The following DSCAML1 variants were observed in gnomAD, a reference collection of about 807,000 sequenced individuals.
The protein encoded by DSCAML1 is DS cell adhesion molecule like 1.
DSCAML1 carries 38 observed loss-of-function variants against 200.5 expected under a neutral mutation model. The ratio of observed to expected loss-of-function variants is 0.19; its 90% CI spans 0.15 to 0.25. The LOEUF is 0.25. Ranked by LOEUF, DSCAML1 falls within the 10% of genes least tolerant of loss-of-function variation. DSCAML1 has a pLI of 1.00. For synonymous variants in DSCAML1, 1,215 were observed against 1,165.0 expected (o/e 1.04, Z -0.87); for missense variants, 2,223 against 2,858.8 (o/e 0.78, Z 5.07).
At chr11:117,639,243 G>A (rs998464942) in intron 3 of DSCAML1, among the ~76,000 whole-genome samples, 8 of 151,198 alleles carry the variant, frequency 5.3e-5, no homozygotes, top group Non-Finnish European at 1.2e-4. Context: ...CTGGATGGAT[G>A]GGAGGCTGGG....
intron 8 of DSCAML1, among the ~76,000 whole-genome samples, chr11:117,512,801 A>ACACC (rs1256356030): frequency 2.2e-4 from 23 of 106,710 alleles, no homozygotes; most frequent in East Asian, 6.3e-4. Context: ...ACACACACAC[A>ACACC]CCCCTCCCCT....
At chr11:117,796,036 T>A (rs1267210596) in intron 1 of DSCAML1, among the ~76,000 whole-genome samples, 1 of 152,232 alleles carries the variant, frequency 6.6e-6, no homozygotes. Flanking sequence ...TCTCCCGCCA[T>A]CTGCGCGCCC....
At chr11:117,494,937 C>A (rs1279117469) in intron 11 of DSCAML1, among the ~76,000 whole-genome samples, 2 of 152,156 alleles carry the variant, frequency 1.3e-5, no homozygotes, top group Admixed American at 1.3e-4. Flanking sequence ...CATGGGCCTG[C>A]CAATACCTTG....
chr11:117,801,271 G>A (rs985039567), upstream of DSCAML1: 1 of 152,206 alleles, frequency 6.6e-6, no homozygotes, highest in Non-Finnish European at 1.5e-5. Context: ...CTGGACCTCA[G>A]TTTCTTCACC....
At chr11:117,810,256 T>C (rs182313420) in intron 1 of DSCAML1, among the ~76,000 whole-genome samples, 2 of 151,136 alleles carry the variant, frequency 1.3e-5, no homozygotes, top group Admixed American at 1.3e-4. Flanking sequence ...CTCCGTGGAC[T>C]CAAAACTCCA....
intron 3 of DSCAML1, among the ~76,000 whole-genome samples, chr11:117,705,401 T>G (rs1220723664): frequency 6.6e-6 from 1 of 152,250 alleles, no homozygotes; most frequent in African/African-American, 2.4e-5. Flanking sequence ...AGGTACTTTC[T>G]ACTCCCCAGC....
chr11:117,739,576 C>T (rs191304902), intron 3 of DSCAML1, among the ~76,000 whole-genome samples: 13 of 152,356 alleles, frequency 8.5e-5, no homozygotes, highest in Admixed American at 3.3e-4. Context: ...GCGTGAGCCA[C>T]GCAGTGCCCT....
In DSCAML1 at chr11:117,642,728, G is replaced by A. The variant is rs566652103; in HGVS notation, c.512-110206C>T. 3.9e-5 allele frequency among the ~76,000 whole-genome samples: 6 copies of A among 152,302 alleles called. No homozygotes were observed. In the East Asian group the frequency reaches 5.8e-4, roughly 15 times the overall value. ...TCACGATCCTGGCTCAGATGAAGACGTCAGACTGGCGGGGCTGAGAAACAC... is the reference window on the plus strand; with the variant it reads ...TCACGATCCTGGCTCAGATGAAGACATCAGACTGGCGGGGCTGAGAAACAC... On this transcript the variant is annotated intron_variant, in intron 3 of 32. Coordinates refer to ENST00000651296, the MANE Select transcript of DSCAML1 (RefSeq NM_020693.4). This position sits in a 1 kb window ranked among gnomAD's most constrained non-coding sequence, Gnocchi z 4.1.
chr11:117,431,180 A>C, intron 31 of DSCAML1, 147 bp from the exon 32 acceptor site: 1 of 771,050 alleles, frequency 1.3e-6, no homozygotes, highest in East Asian at 2.6e-5. Context: ...TGAAGGTGGC[A>C]GTGGTGGCAG....
chr11:117,685,524 C>G (rs970139403), intron 3 of DSCAML1, among the ~76,000 whole-genome samples: 1 of 152,146 alleles, frequency 6.6e-6, no homozygotes, highest in East Asian at 1.9e-4. Flanking sequence ...CCTGGGGTCC[C>G]AGCACCCCTA....
intron 3 of DSCAML1, among the ~76,000 whole-genome samples, chr11:117,653,932 G>A (rs1410536910): frequency 6.6e-6 from 1 of 152,156 alleles, no homozygotes; most frequent in African/African-American, 2.4e-5. Flanking sequence ...AGGCTGAGGT[G>A]GGAGGATCAC....
chr11:117,664,890 G>A (rs1031648895), intron 3 of DSCAML1, among the ~76,000 whole-genome samples: 1 of 152,112 alleles, frequency 6.6e-6, no homozygotes, highest in Non-Finnish European at 1.5e-5. Flanking sequence ...TCCCTTTCAC[G>A]GCCGCGTGTC....
chr11:117,568,542 C>G (rs1226810829), intron 3 of DSCAML1, among the ~76,000 whole-genome samples: 1 of 152,078 alleles, frequency 6.6e-6, no homozygotes, highest in African/African-American at 2.4e-5. Context: ...GATACAAAAT[C>G]AATGTACAAA....
intron 3 of DSCAML1, among the ~76,000 whole-genome samples, chr11:117,623,046 T>G (rs1736105255): frequency 6.6e-6 from 1 of 152,114 alleles, no homozygotes; most frequent in African/African-American, 2.4e-5. Context: ...CTCTACGGTC[T>G]CAGGCAGGTT....
At chr11:117,765,084 C>G (rs2054870929) in intron 3 of DSCAML1, among the ~76,000 whole-genome samples, 1 of 152,154 alleles carries the variant, frequency 6.6e-6, no homozygotes, top group African/African-American at 2.4e-5. Flanking sequence ...CTTTGAGCCC[C>G]AAACTGCTCT....
chr11:117,540,734 C>T (rs1212151995), intron 3 of DSCAML1, among the ~76,000 whole-genome samples: 1 of 151,978 alleles, frequency 6.6e-6, no homozygotes, highest in Non-Finnish European at 1.5e-5. Flanking sequence ...GGAGAAATAC[C>T]TCATGTAAAT....
At chr11:117,562,681 TGAATGAAC>T (rs1471312700) in intron 3 of DSCAML1, among the ~76,000 whole-genome samples, 1 of 152,198 alleles carries the variant, frequency 6.6e-6, no homozygotes, top group East Asian at 1.9e-4. Flanking sequence ...AATGAACAAA[TGAATGAAC>T]GAATGAAGGT....
chr11:117,457,233 C>T (rs2048389897), intron 19 of DSCAML1, among the ~76,000 whole-genome samples: 1 of 152,214 alleles, frequency 6.6e-6, no homozygotes, highest in Admixed American at 6.5e-5. Flanking sequence ...TGCTTTGGGC[C>T]CGGGCTCCTG....
At chr11:117,567,149 G>A (rs1449141610) in intron 3 of DSCAML1, among the ~76,000 whole-genome samples, 6 of 152,158 alleles carry the variant, frequency 3.9e-5, no homozygotes, top group South Asian at 2.1e-4. Flanking sequence ...CTGAGGAATC[G>A]CCACACTGAC....
Sources: gnomAD v4.1 joint callset for allele counts (sites outside exome capture counted in the v4.1 genomes callset) on GRCh38, gnomAD v4.1.1 for gene constraint, Gnocchi (gnomAD v3.1) non-coding constraint, MANE v1.5 for transcripts, NCBI Gene and HGNC (gene_info 2026-07-23, HGNC 2026-07-21) for gene names.